The following GTF3A variants were observed in gnomAD, a reference collection of about 807,000 sequenced individuals.
The protein encoded by GTF3A is general transcription factor IIIA.
Under a neutral mutation model 37.6 loss-of-function variants are expected in GTF3A, and 40 were observed. The observed-to-expected ratio is 1.06, with a 90% CI of 0.83 to 1.38. The LOEUF (loss-of-function observed/expected upper bound fraction) is 1.38, where lower values mean the gene tolerates loss of function less well. Among genes scored for constraint, GTF3A ranks in the 40% most tolerant of loss-of-function variants. The pLI, the probability that GTF3A is intolerant of heterozygous loss-of-function variation, is 0.00. For missense variants in GTF3A, 500 were observed against 462.6 expected (o/e 1.08, Z -0.74); for synonymous variants, 191 against 166.7 (o/e 1.15, Z -1.12).
intron 6 of GTF3A, 196 bp from the exon 7 acceptor site, chr13:27,434,609 G>GT (rs1476107131): frequency 3.4e-6 from 2 of 580,704 alleles, no homozygotes; most frequent in Non-Finnish European, 6.1e-6. Context: ...CAATGACTGT[G>GT]TGGCATTTAA....
intron 4 of GTF3A, 121 bp downstream of exon 4, chr13:27,430,742 T>C: frequency 1.5e-6 from 1 of 676,322 alleles, no homozygotes; most frequent in South Asian, 1.7e-5. Flanking sequence ...CTGAGAAATG[T>C]CTGTTCATAT....
rs759239865 is a variant in GTF3A, at chr13:27,434,843, C to CG, written c.683dup (p.Lys229GlnfsTer5). The CG allele has an allele frequency of 7.4e-6, 12 of 1,612,606 alleles. No homozygotes were observed. Among genetic ancestry groups the CG allele is most frequent in the Non-Finnish European group, 1.0e-5 (12 of 1,178,882 alleles). On this transcript the variant is annotated frameshift_variant, in exon 7 of 9. Coordinates refer to ENST00000381140, the MANE Select transcript of GTF3A (RefSeq NM_002097.3). LOFTEE classifies it high-confidence loss of function. ...TGAAGTATGCCGGAAAACATTTAAA[C>CG]GCAAAGATTACCTTAAGCAACACAT...
At chr13:27,426,519 C>T (rs1001881688) in intron 1 of GTF3A, among the ~76,000 whole-genome samples, 2 of 152,160 alleles carry the variant, frequency 1.3e-5, no homozygotes, top group East Asian at 3.8e-4. Flanking sequence ...AAATGAGTCA[C>T]CCCCTCCCAA....
intron 2 of GTF3A, among the ~76,000 whole-genome samples, chr13:27,429,013 CACTT>C (rs1265280687): frequency 2.0e-5 from 3 of 152,058 alleles, no homozygotes; most frequent in Admixed American, 6.5e-5. Context: ...CCGGAGAGTG[CACTT>C]TCTGTCGGCC....
In GTF3A at chr13:27,434,223, AGGCAGGCATGAAT is replaced by A. The variant is rs763002595; in HGVS notation, c.643+15_643+27del. On this transcript the variant is annotated splice_donor_5th_base_variant and intron_variant, in intron 6 of 8. Transcript: ENST00000381140. ...CATGTGAGAGAAACCCATAAAGGTA[AGGCAGGCATGAAT>A]GGCAGGCATGGTGTAAATGTTTGTC... 1.1e-5 allele frequency: 12 copies of A among 1,136,276 alleles called. No individual in the cohort carries two copies. The highest frequency in any genetic ancestry group is 5.0e-5 in the Admixed American group (3 of 59,434). 70.4% of individuals were successfully genotyped at this position (1,136,276 alleles called of 1,614,324 possible).
Position 27,434,845 on chromosome 13 carries a change from C to CAAAG in GTF3A, c.686_689dup (p.Asp230GlufsTer5). 1 of 1,612,894 alleles carries CAAAG rather than the reference C, an allele frequency of 6.2e-7. No individual in the cohort carries two copies. Among genetic ancestry groups the CAAAG allele is most frequent in the East Asian group, 2.2e-5 (1 of 44,888 alleles). On this transcript the variant is annotated frameshift_variant, in exon 7 of 9. Transcript: ENST00000381140. LOFTEE classifies it high-confidence loss of function. ...AAGTATGCCGGAAAACATTTAAACG[C>CAAAG]AAAGATTACCTTAAGCAACACATGA...
intron 3 of GTF3A, 60 bp from the exon 4 acceptor site, chr13:27,430,473 A>G: frequency 9.7e-7 from 1 of 1,033,102 alleles, no homozygotes; most frequent in South Asian, 1.4e-5. Flanking sequence ...GGATTCTGTT[A>G]CGAACTGTTC....
intron 5 of GTF3A, among the ~76,000 whole-genome samples, chr13:27,433,481 T>C (rs1434846659): frequency 6.6e-6 from 1 of 150,482 alleles, no homozygotes; most frequent in Non-Finnish European, 1.5e-5. Context: ...TCTGGGTCCT[T>C]CCAGTTTATT....
rs770761501 is a variant in GTF3A at position 27,434,934 on chromosome 13, C to T, written c.773C>T (p.Thr258Ile). ...AGAGAAGGCTGTGGAAGAACCTATA[C>T]AACTGTGTTTAATCTCCAAAGCCAT... Residue 258 changes from threonine (T) to isoleucine (I), a missense_variant, in exon 7 of 9, where the codon ACA becomes ATA. Thr to Ile is a moderately conservative substitution (Grantham distance 89). Transcript: ENST00000381140. The T allele has an allele frequency of 9.9e-6, 16 of 1,609,474 alleles. No homozygotes were observed. The highest frequency in any genetic ancestry group is 1.2e-5 in the Non-Finnish European group (14 of 1,175,744).
intron 3 of GTF3A, 54 bp downstream of exon 3, chr13:27,430,020 T>A: frequency 1.1e-6 from 1 of 943,580 alleles, no homozygotes; most frequent in Middle Eastern, 2.8e-4. Flanking sequence ...ACTTACTGCC[T>A]ATGTTTCTGA....
At chr13:27,431,513 A>C (rs545762083) in intron 4 of GTF3A, among the ~76,000 whole-genome samples, 2 of 152,272 alleles carry the variant, frequency 1.3e-5, no homozygotes, top group East Asian at 3.9e-4. Flanking sequence ...GGAGGCCATT[A>C]TTCTCAGTGA....
intron 5 of GTF3A, among the ~76,000 whole-genome samples, chr13:27,433,614 G>A (rs1416537476): frequency 3.3e-5 from 5 of 150,444 alleles, no homozygotes; most frequent in African/African-American, 1.2e-4. Context: ...CTTACAAGAT[G>A]GCCAGACTAG....
chr13:27,434,430 G>C (rs1349050505), intron 6 of GTF3A, among the ~76,000 whole-genome samples: 1 of 152,212 alleles, frequency 6.6e-6, no homozygotes, highest in African/African-American at 2.4e-5. Flanking sequence ...GCATGCTGAA[G>C]GCGGTGGCAG....
intron 5 of GTF3A, among the ~76,000 whole-genome samples, chr13:27,433,885 C>A (rs1593180295): frequency 6.6e-6 from 1 of 152,186 alleles, no homozygotes; most frequent in East Asian, 1.9e-4. Flanking sequence ...CGTGATCACG[C>A]TGAGAAGATG....
chr13:27,425,167 T>G, intron 1 of GTF3A: 1 of 483,910 alleles, frequency 2.1e-6, no homozygotes, highest in Non-Finnish European at 3.8e-6. Context: ...TCATTGATCG[T>G]GAGTCTCGGC....
In GTF3A at chr13:27,435,803, T is replaced by C. The variant is rs1953718316; in HGVS notation, c.*206T>C. On this transcript the variant is annotated 3_prime_UTR_variant, in exon 9 of 9. Coordinates refer to ENST00000381140, the MANE Select transcript of GTF3A (RefSeq NM_002097.3). The stretch of plus-strand genomic sequence containing the variant: ...TTGCTGAAAGCACGAAGAACACACA[T>C]TAAAGCTTTTCCTCCTTGAACAGCT... 1 of 1,614,076 alleles carries C rather than the reference T, an allele frequency of 6.2e-7. No individual in the cohort carries two copies. The highest frequency in any genetic ancestry group is 1.3e-5 in the African/African-American group (1 of 74,926).
intron 4 of GTF3A, among the ~76,000 whole-genome samples, chr13:27,431,995 T>C (rs1335128847): frequency 6.6e-6 from 1 of 152,262 alleles, no homozygotes; most frequent in Non-Finnish European, 1.5e-5. Flanking sequence ...AAATAGAGCC[T>C]GTGCAACTAT....
chr13:27,430,649 CT>C (rs1351073156), intron 4 of GTF3A, 28 bp downstream of exon 4: 1 of 1,380,740 alleles, frequency 7.2e-7, no homozygotes, highest in Non-Finnish European at 1.0e-6. Context: ...CTGAAAATGC[CT>C]GGATTCTAGG....
chr13:27,435,748 T>C lies in GTF3A; in HGVS notation c.*151T>C. The C allele has an allele frequency of 1.2e-6, 2 of 1,614,134 alleles. No homozygotes were observed. Among genetic ancestry groups the C allele is most frequent in the Admixed American group, 1.7e-5 (1 of 60,024 alleles). ...CAAAGTGTCTCTTTCCTGGGTCTCTTGAGTTTCTTTATATGCCTTCTCCTC... is the reference window on the plus strand; with the variant it reads ...CAAAGTGTCTCTTTCCTGGGTCTCTCGAGTTTCTTTATATGCCTTCTCCTC... On this transcript the variant is annotated 3_prime_UTR_variant, in exon 9 of 9. Transcript: ENST00000381140.
Sources: allele counts gnomAD v4.1 joint callset (sites outside exome capture counted in the v4.1 genomes callset), GRCh38; gene constraint gnomAD v4.1.1; transcripts MANE v1.5; gene names NCBI Gene and HGNC (gene_info 2026-07-23, HGNC 2026-07-21).